The following COL5A2 variants were observed in gnomAD, a reference collection of about 807,000 sequenced individuals.
The protein encoded by COL5A2 is collagen type V alpha 2 chain.
In COL5A2, 23 loss-of-function variants were observed where a neutral mutation model predicts 208.2. The observed-to-expected ratio is 0.11, with a 90% CI of 0.08 to 0.16. COL5A2 has a LOEUF of 0.16. Ranked by LOEUF, COL5A2 falls within the 10% of genes least tolerant of loss-of-function variation. The pLI, the probability that COL5A2 is intolerant of heterozygous loss-of-function variation, is 1.00. For synonymous variants in COL5A2, 625 were observed against 628.5 expected (o/e 0.99, Z 0.08); for missense variants, 1,590 against 1,956.4 (o/e 0.81, Z 3.53).
At chr2:189,149,390 AT>A (rs1441919494) in intron 1 of COL5A2, among the ~76,000 whole-genome samples, 1 of 150,058 alleles carries the variant, frequency 6.7e-6, no homozygotes, top group African/African-American at 2.4e-5. Context: ...TTAATATCTG[AT>A]TGATAACTAA....
At chr2:189,366,194 A>C in the COL5A2 span, among the ~76,000 whole-genome samples, 1 of 152,328 alleles carries the variant, frequency 6.6e-6, no homozygotes, top group South Asian at 2.1e-4. Flanking sequence ...CTTACCAGTA[A>C]TAAGCGTTCC....
chr2:189,342,337 C>T, the COL5A2 span, among the ~76,000 whole-genome samples: 2 of 147,808 alleles, frequency 1.4e-5, no homozygotes, highest in African/African-American at 4.9e-5. Context: ...CTGTTAGAAA[C>T]TAAAAATACC....
intron 1 of COL5A2, among the ~76,000 whole-genome samples, chr2:189,155,495 T>C (rs1434169970): frequency 6.6e-6 from 1 of 152,278 alleles, no homozygotes; most frequent in East Asian, 1.9e-4. Flanking sequence ...AGCAATGTTC[T>C]ATTATCTGCA....
At chr2:189,279,924 TG>T in the COL5A2 span, among the ~76,000 whole-genome samples, 1 of 152,196 alleles carries the variant, frequency 6.6e-6, no homozygotes, top group South Asian at 2.1e-4. Context: ...TATTTAGAGG[TG>T]GGGCCTTTGG....
Position 189,034,998 on chromosome 2 carries a change from A to G in COL5A2, c.4271T>C (p.Val1424Ala). The G allele has an allele frequency of 6.2e-7, 1 of 1,613,904 alleles. No homozygotes were observed. The highest frequency in any genetic ancestry group is 1.3e-5 in the African/African-American group (1 of 75,014). The change falls in exon 53 of 54, where the codon GTT becomes GCT. Residue 1424 changes from valine to alanine, a missense_variant. Physicochemically the swap from Val to Ala is moderately conservative, Grantham distance 64. Coordinates refer to ENST00000374866, the MANE Select transcript of COL5A2 (RefSeq NM_000393.5). Reference sequence around the variant, plus strand: ...ATCTAAGTCATTTGCCCCTTTGAGAACCACAGCTTTTTTGAGGTTCTTAGC... The same window carrying G: ...ATCTAAGTCATTTGCCCCTTTGAGAGCCACAGCTTTTTTGAGGTTCTTAGC... Reference protein sequence around the residue: ...DQAKNLKKAVVLKGANDLDIK... With the variant: ...DQAKNLKKAVALKGANDLDIK...
chr2:189,440,838 C>G, the COL5A2 span, among the ~76,000 whole-genome samples: 1 of 152,254 alleles, frequency 6.6e-6, no homozygotes, highest in East Asian at 1.9e-4. Flanking sequence ...GTCAGATTAG[C>G]CCGAGCAGCT....
intron 1 of COL5A2, among the ~76,000 whole-genome samples, chr2:189,141,024 C>A (rs1410601614): frequency 6.6e-6 from 1 of 152,122 alleles, no homozygotes; most frequent in Non-Finnish European, 1.5e-5. Flanking sequence ...AATCAGCATT[C>A]TTTTATTAAA....
Position 189,057,018 on chromosome 2 carries a change from T to G in COL5A2, c.2346A>C (p.Ile782=). ...CTGTGCCTTCAGCACCTTTTTCTCCTATGCCACCCTGGGAAAACACACAAA... is the reference window on the plus strand; with the variant it reads ...CTGTGCCTTCAGCACCTTTTTCTCCGATGCCACCCTGGGAAAACACACAAA... The part of the protein sequence containing the change: ...TPGPKGDRGG[I]GEKGAEGTAG... Residue 782 remains isoleucine (I), a synonymous_variant, in exon 35 of 54, where the codon ATA becomes ATC. Transcript: ENST00000374866. 6.2e-7 allele frequency: 1 copy of G among 1,613,950 alleles called. No homozygotes were observed. The highest frequency in any genetic ancestry group is 8.5e-7 in the Non-Finnish European group (1 of 1,179,842).
intron 45 of COL5A2, among the ~76,000 whole-genome samples, chr2:189,046,810 G>T (rs1020910006): frequency 1.3e-5 from 2 of 149,388 alleles, no homozygotes; most frequent in Non-Finnish European, 1.5e-5. Flanking sequence ...CAACTTCAAG[G>T]TTTTGAAAAA....
chr2:189,398,083 A>T, the COL5A2 span, among the ~76,000 whole-genome samples: 24 of 152,264 alleles, frequency 1.6e-4, no homozygotes, highest in African/African-American at 5.8e-4. Context: ...ATTTCCAATC[A>T]CTTAGAAATT....
the COL5A2 span, among the ~76,000 whole-genome samples, chr2:189,421,245 C>T: frequency 6.6e-6 from 1 of 152,120 alleles, no homozygotes. Context: ...CAAATAACCT[C>T]ACCTTACGAA....
the COL5A2 span, among the ~76,000 whole-genome samples, chr2:189,405,025 T>G: frequency 6.6e-6 from 1 of 152,156 alleles, no homozygotes; most frequent in Non-Finnish European, 1.5e-5. Flanking sequence ...AAAATGATAA[T>G]TGTACCTATT....
Position 189,074,753 on chromosome 2 carries a change from G to C in COL5A2, c.1104+640C>G, listed in dbSNP as rs1559091518. 2.0e-5 allele frequency among the ~76,000 whole-genome samples: 3 copies of C among 152,252 alleles called. No homozygotes were observed. In the East Asian group the frequency reaches 5.8e-4, roughly 29 times the overall value. Reference sequence around the variant, plus strand: ...TGGGCCATGCCCATGAGAGTTCTTAGCTCATTGACATGCAGTCGGCCTCTG... The same window carrying C: ...TGGGCCATGCCCATGAGAGTTCTTACCTCATTGACATGCAGTCGGCCTCTG... On this transcript the variant is annotated intron_variant, in intron 17 of 53. Transcript: ENST00000374866.
the COL5A2 span, among the ~76,000 whole-genome samples, chr2:189,441,010 A>C: frequency 1.2e-4 from 19 of 152,318 alleles, no homozygotes; most frequent in Admixed American, 9.8e-4. Flanking sequence ...CTGTACAAGG[A>C]AGAGAAAGCT....
chr2:189,098,035 T>TCCC lies in COL5A2; in HGVS notation c.402+689_402+691dup, dbSNP rs770630921. Among the ~76,000 whole-genome samples, 361 of 151,050 alleles carry TCCC rather than the reference T, an allele frequency of 2.4e-3. 1 individual carries two copies. The highest frequency in any genetic ancestry group is 6.8e-3 in the African/African-American group (280 of 40,990). ...TTGTGCTGATATCTTAAAATGTTTT[T>TCCC]CCCCCCCTGGGAAATGGCTGTTGCC... On this transcript the variant is annotated intron_variant, in intron 5 of 53. Transcript: ENST00000374866.
chr2:189,415,728 C>T, the COL5A2 span, among the ~76,000 whole-genome samples: 1 of 152,142 alleles, frequency 6.6e-6, no homozygotes, highest in African/African-American at 2.4e-5. Flanking sequence ...GGCACGACCT[C>T]GCCTCACTGC....
the COL5A2 span, chr2:189,311,306 C>T: frequency 6.5e-6 from 8 of 1,225,248 alleles, no homozygotes; most frequent in Non-Finnish European, 9.5e-6. Flanking sequence ...CACCACTTGG[C>T]CATCCACTAT....
At chr2:189,426,000 C>T in the COL5A2 span, among the ~76,000 whole-genome samples, 1 of 152,096 alleles carries the variant, frequency 6.6e-6, no homozygotes, top group Non-Finnish European at 1.5e-5. Context: ...TCAGATATTT[C>T]CTTATAGCAG....
At chr2:189,263,843 C>A in the COL5A2 span, among the ~76,000 whole-genome samples, 17 of 152,054 alleles carry the variant, frequency 1.1e-4, 1 homozygote, top group Admixed American at 2.0e-4. Flanking sequence ...TCTAAGTACA[C>A]TCTTTGATAT....
Sources: gnomAD v4.1 joint callset for allele counts (sites outside exome capture counted in the v4.1 genomes callset) on GRCh38, gnomAD v4.1.1 for gene constraint, MANE v1.5 for transcripts, NCBI Gene and HGNC (gene_info 2026-07-23, HGNC 2026-07-21) for gene names.